The following CCSER1 variants were observed in gnomAD, a reference collection of about 807,000 sequenced individuals.
The protein encoded by CCSER1 is coiled-coil serine rich protein 1.
A neutral mutation model predicts 82.0 loss-of-function variants in CCSER1; 41 were observed. The ratio of observed to expected loss-of-function variants is 0.50; its 90% CI spans 0.39 to 0.65. CCSER1 has a LOEUF of 0.65. Ranked by LOEUF, CCSER1 falls within the 30% of genes least tolerant of loss-of-function variation. The pLI is 0.00. For missense variants in CCSER1, 1,119 were observed against 1,064.2 expected (o/e 1.05, Z -0.72); for synonymous variants, 414 against 383.9 (o/e 1.08, Z -0.92).
At chr4:90,471,693 G>A (rs11944286) in intron 5 of CCSER1, among the ~76,000 whole-genome samples, 453 of 151,804 alleles carry the variant, frequency 3.0e-3, no homozygotes, top group African/African-American at 0.011. Context: ...ATACTAGATA[G>A]GGCTGGACGT....
In CCSER1 at chr4:90,304,381, A is replaced by G. The variant is rs547854544; in HGVS notation, c.-41-3863A>G. 2.0e-3 allele frequency among the ~76,000 whole-genome samples: 310 copies of G among 152,344 alleles called. 3 individuals carry two copies. Among genetic ancestry groups the G allele is most frequent in the African/African-American group, 7.1e-3 (295 of 41,574 alleles). On this transcript the variant is annotated intron_variant, in intron 1 of 10. Transcript: ENST00000509176. ...TATTGCGGCATTATTCACAACAGCA[A>G]AGACTTGGAACCAACCCAAATGTCC...
At chr4:90,793,004 C>T (rs143391339) in intron 7 of CCSER1, among the ~76,000 whole-genome samples, 6 of 152,116 alleles carry the variant, frequency 3.9e-5, no homozygotes, top group Non-Finnish European at 5.9e-5. Flanking sequence ...CTGGCCAGGC[C>T]TCAAAACTGG....
chr4:90,481,943 A>G (rs1489750519), intron 5 of CCSER1, among the ~76,000 whole-genome samples: 1 of 152,194 alleles, frequency 6.6e-6, no homozygotes, highest in Non-Finnish European at 1.5e-5. Flanking sequence ...TTCAGAAGGA[A>G]TGGTACCAGC....
intron 8 of CCSER1, among the ~76,000 whole-genome samples, chr4:90,879,699 G>A (rs1377810738): frequency 6.6e-6 from 1 of 151,990 alleles, no homozygotes; most frequent in South Asian, 2.1e-4. Flanking sequence ...GGAAGAAGAA[G>A]AGGAAGAAAG....
Position 91,062,278 on chromosome 4 carries a change from C to A in CCSER1, c.2173-23672C>A, listed in dbSNP as rs1370574676. On this transcript the variant is annotated intron_variant, in intron 9 of 10. Coordinates refer to ENST00000509176, the MANE Select transcript of CCSER1 (RefSeq NM_001145065.2). The stretch of plus-strand genomic sequence containing the variant: ...CCCTCACCCATGCAGAGGGAACACT[C>A]AAACTCCCCCTTGCATCCCTGCTAA... Among the ~76,000 whole-genome samples, 4 of 151,972 alleles carry A rather than the reference C, an allele frequency of 2.6e-5. No individual in the cohort carries two copies. In the South Asian group the frequency reaches 8.3e-4, roughly 32 times the overall value.
intron 6 of CCSER1, among the ~76,000 whole-genome samples, chr4:90,640,617 C>G (rs1726322134): frequency 6.6e-6 from 1 of 152,100 alleles, no homozygotes; most frequent in Non-Finnish European, 1.5e-5. Context: ...TCCATTATCC[C>G]CATAATCCCC....
rs190002032 is a variant in CCSER1, at chr4:91,262,202, C to T, written c.2217+176208C>T. On this transcript the variant is annotated intron_variant, in intron 10 of 10. Coordinates refer to ENST00000509176, the MANE Select transcript of CCSER1 (RefSeq NM_001145065.2). ...AGCTTACAGGTTGTGGCTCTGAAAC[C>T]TTGGGCTCTCAAACCTTGGAAGATG... Among the ~76,000 whole-genome samples, 73 of 137,266 alleles carry T rather than the reference C, an allele frequency of 5.3e-4. No homozygotes were observed. The East Asian group carries it at 0.011, about 21-fold the overall frequency. 90.1% of individuals were successfully genotyped at this position (137,266 alleles called of 152,430 possible).
chr4:90,860,045 A>G (rs906129097), intron 8 of CCSER1, among the ~76,000 whole-genome samples: 4 of 151,710 alleles, frequency 2.6e-5, no homozygotes, highest in Non-Finnish European at 4.4e-5. Context: ...GGCATTAAAG[A>G]TGACTATCAA....
At chr4:90,158,150 G>T (rs1388967754) in intron 1 of CCSER1, among the ~76,000 whole-genome samples, 1 of 150,976 alleles carries the variant, frequency 6.6e-6, no homozygotes, top group African/African-American at 2.5e-5. Context: ...TCCAGACCCT[G>T]TTTGCCTGGG....
At chr4:91,127,778 C>T (rs1476292648) in intron 10 of CCSER1, among the ~76,000 whole-genome samples, 1 of 151,992 alleles carries the variant, frequency 6.6e-6, no homozygotes, top group Non-Finnish European at 1.5e-5. Flanking sequence ...AAGAATTAGG[C>T]ACATTTATTT....
intron 9 of CCSER1, among the ~76,000 whole-genome samples, chr4:90,980,006 G>T (rs1166019523): frequency 6.6e-6 from 1 of 151,668 alleles, no homozygotes; most frequent in African/African-American, 2.4e-5. Flanking sequence ...ATAATAAACT[G>T]ATACAGGATA....
At chr4:90,708,121 ATGT>A (rs1739752351) in intron 6 of CCSER1, among the ~76,000 whole-genome samples, 2 of 152,074 alleles carry the variant, frequency 1.3e-5, no homozygotes, top group East Asian at 1.9e-4. Flanking sequence ...GTCTTTTCTG[ATGT>A]TGTTGGACCC....
At chr4:91,029,161 T>C (rs1740749943) in intron 9 of CCSER1, among the ~76,000 whole-genome samples, 1 of 152,010 alleles carries the variant, frequency 6.6e-6, no homozygotes, top group South Asian at 2.1e-4. Context: ...GTCATAGTTA[T>C]CTGAGTTTTT....
intron 5 of CCSER1, among the ~76,000 whole-genome samples, chr4:90,566,110 G>A (rs556711178): frequency 6.7e-6 from 1 of 149,824 alleles, no homozygotes; most frequent in African/African-American, 2.5e-5. Flanking sequence ...CACCTGCCTC[G>A]ACCTCCCAAA....
intron 8 of CCSER1, among the ~76,000 whole-genome samples, chr4:90,832,201 A>C (rs72663648): frequency 0.11 from 16,418 of 152,108 alleles, 994 homozygotes; most frequent in African/African-American, 0.15. Flanking sequence ...AATAAAATAA[A>C]AATTTAATAG....
intron 10 of CCSER1, among the ~76,000 whole-genome samples, chr4:91,423,529 ATACT>A (rs1753799828): frequency 6.6e-6 from 1 of 152,134 alleles, no homozygotes; most frequent in South Asian, 2.1e-4. Context: ...GGTGAAAGAA[ATACT>A]TAATATTCCT....
At chr4:91,334,240 A>T (rs1217128608) in intron 10 of CCSER1, among the ~76,000 whole-genome samples, 1 of 151,998 alleles carries the variant, frequency 6.6e-6, no homozygotes, top group Admixed American at 6.6e-5. Context: ...CTTATTTCTT[A>T]TCTAACCAAA....
At chr4:90,957,697 G>T (rs1733659748) in intron 9 of CCSER1, among the ~76,000 whole-genome samples, 1 of 59,118 alleles carries the variant, frequency 1.7e-5, no homozygotes, top group Non-Finnish European at 3.1e-5. Context: ...ATAATTTCAT[G>T]GTGTATATAT....
intron 10 of CCSER1, among the ~76,000 whole-genome samples, chr4:91,297,162 A>G (rs1372238902): frequency 6.6e-6 from 1 of 151,844 alleles, no homozygotes; most frequent in Non-Finnish European, 1.5e-5. Flanking sequence ...AAGAGTGTAT[A>G]TCCTCTGAGA....
Sources: allele counts gnomAD v4.1 joint callset (sites outside exome capture counted in the v4.1 genomes callset), GRCh38; gene constraint gnomAD v4.1.1; transcripts MANE v1.5; gene names NCBI Gene and HGNC (gene_info 2026-07-23, HGNC 2026-07-21).